Variants in MAN1A1 observed in about 807,000 individuals in gnomAD.
MAN1A1 encodes mannosidase alpha class 1A member 1.
MAN1A1 carries 29 observed loss-of-function variants against 70.8 expected under a neutral mutation model. The observed-to-expected ratio is 0.41, with a 90% CI of 0.31 to 0.56. The LOEUF (loss-of-function observed/expected upper bound fraction) is 0.56. MAN1A1 is among the 20% of genes least tolerant of loss of function. The pLI, the probability that MAN1A1 is intolerant of heterozygous loss-of-function variation, is 0.29. For missense variants in MAN1A1, 747 were observed against 841.3 expected (o/e 0.89, Z 1.39); for synonymous variants, 349 against 330.1 (o/e 1.06, Z -0.62).
Position 119,177,399 on chromosome 6 carries a change from G to A in MAN1A1, c.*2420C>T, listed in dbSNP as rs1238466281. 6.6e-6 allele frequency: 1 copy of A among 151,962 alleles called. No homozygotes were observed. Among genetic ancestry groups the A allele is most frequent in the Non-Finnish European group, 1.5e-5 (1 of 67,918 alleles). The allele number at this position is 151,962 out of a possible 1,614,324, so 9.4% of individuals were successfully genotyped here. ...AGCTCATATGAAAACCTCATGACAAGTCATTGAGTTCTGTAAACTGCCATA... is the reference window on the plus strand; with the variant it reads ...AGCTCATATGAAAACCTCATGACAAATCATTGAGTTCTGTAAACTGCCATA... On this transcript the variant is annotated 3_prime_UTR_variant, in exon 13 of 13. Transcript: ENST00000368468.
intron 4 of MAN1A1, among the ~76,000 whole-genome samples, chr6:119,293,939 C>T (rs1772123620): frequency 6.6e-6 from 1 of 152,018 alleles, no homozygotes; most frequent in Admixed American, 6.6e-5. Flanking sequence ...CAATGAATTC[C>T]TCCATGATGT....
At chr6:119,343,734 G>A (rs1047794284) in intron 2 of MAN1A1, among the ~76,000 whole-genome samples, 3 of 152,054 alleles carry the variant, frequency 2.0e-5, no homozygotes, top group Non-Finnish European at 2.9e-5. Context: ...TTTGCCACTC[G>A]TTTCACAGTA....
chr6:119,310,369 T>C (rs1337676364), intron 2 of MAN1A1, among the ~76,000 whole-genome samples: 2 of 152,226 alleles, frequency 1.3e-5, no homozygotes, highest in Non-Finnish European at 2.9e-5. Context: ...TGGGCTTTCA[T>C]TGCCCTATTT....
chr6:119,263,099 T>C (rs1290141569), intron 5 of MAN1A1, among the ~76,000 whole-genome samples: 1 of 152,172 alleles, frequency 6.6e-6, no homozygotes, highest in Non-Finnish European at 1.5e-5. Context: ...GTTCTTCAGT[T>C]TGGGGACTTG....
At position 119,193,820 on chromosome 6, in the gene MAN1A1, T is replaced by C. The variant is rs747037337; in HGVS notation, c.1283A>G (p.Lys428Arg). The change falls in exon 9 of 13, where the codon AAG becomes AGG. Residue 428 changes from lysine to arginine, a missense_variant. Lys to Arg is a conservative substitution (Grantham distance 26). Transcript: ENST00000368468. ...CATCTTCTTAGCTTCCAGATCTGTC[T>C]TGTCAGACATTAACCAGGCCTTCAG... ...YLLKAWLMSD[K>R]TDLEAKKMYF... The C allele has an allele frequency of 5.0e-6, 8 of 1,613,838 alleles. No homozygotes were observed. Among genetic ancestry groups the C allele is most frequent in the Non-Finnish European group, 6.8e-6 (8 of 1,179,842 alleles).
rs759855750 is a variant in MAN1A1 at position 119,178,145 on chromosome 6, G to C, written c.*1674C>G. 4 of 152,048 alleles carry C rather than the reference G, an allele frequency of 2.6e-5. No individual in the cohort carries two copies. Among genetic ancestry groups the C allele is most frequent in the Non-Finnish European group, 5.9e-5 (4 of 67,954 alleles). The allele number at this position is 152,048 out of a possible 1,614,324, so 9.4% of individuals were successfully genotyped here. ...TATTCTTTGACATACACCAATGTAT[G>C]ATATTGAAAAACAGAAAGCAGGTCA... On this transcript the variant is annotated 3_prime_UTR_variant, in exon 13 of 13. Coordinates refer to ENST00000368468, the MANE Select transcript of MAN1A1 (RefSeq NM_005907.4).
At chr6:119,276,701 A>T (rs1776075900) in intron 5 of MAN1A1, among the ~76,000 whole-genome samples, 1 of 152,246 alleles carries the variant, frequency 6.6e-6, no homozygotes, top group Non-Finnish European at 1.5e-5. Context: ...ACTATTTAAT[A>T]ATCATAATAT....
chr6:119,306,881 A>G lies in MAN1A1; in HGVS notation c.700+15T>C, dbSNP rs771145401. On this transcript the variant is annotated intron_variant, in intron 3 of 12. Coordinates refer to ENST00000368468, the MANE Select transcript of MAN1A1 (RefSeq NM_005907.4). ...GAAGTTATCGTCACTAAGAAACCAA[A>G]GCACATCTACTCACCAAACAAACTG... 6.5e-7 allele frequency: 1 copy of G among 1,529,212 alleles called. No individual in the cohort carries two copies. The highest frequency in any genetic ancestry group is 9.1e-7 in the Non-Finnish European group (1 of 1,103,668). The allele number at this position is 1,529,212 out of a possible 1,614,324, so 94.7% of individuals were successfully genotyped here. A position where few individuals can be genotyped will look rare whatever the true frequency, so the allele number is the denominator to read the frequency against.
Position 119,232,326 on chromosome 6 carries a change from T to A in MAN1A1, c.992+15934A>T, listed in dbSNP as rs557156129. Among the ~76,000 whole-genome samples the A allele has an allele frequency of 7.0e-5, 10 of 142,632 alleles. No individual in the cohort carries two copies. The South Asian group carries it at 1.8e-3, about 26-fold the overall frequency. 93.6% of individuals were successfully genotyped at this position (142,632 alleles called of 152,430 possible). A position where few individuals can be genotyped will look rare whatever the true frequency, so the allele number is the denominator to read the frequency against. ...AGGTGTAGCTTGCAGTGAGCCAAGA[T>A]TACACCACTGCACTCCAGCCTGGAC... is the stretch of plus-strand genomic sequence containing the variant. On this transcript the variant is annotated intron_variant, in intron 6 of 12. Coordinates refer to ENST00000368468, the MANE Select transcript of MAN1A1 (RefSeq NM_005907.4).
At chr6:119,180,154 C>G (rs933227365) in intron 12 of MAN1A1, among the ~76,000 whole-genome samples, 158 bp downstream of exon 12, 1 of 152,198 alleles carries the variant, frequency 6.6e-6, no homozygotes, top group African/African-American at 2.4e-5. Context: ...TACCAAGTCA[C>G]TGAACCTAGT....
In MAN1A1 at chr6:119,254,131, A is replaced by G. The variant is rs192168300; in HGVS notation, c.898-5777T>C. The stretch of plus-strand genomic sequence containing the variant: ...AAATTGTTGAGAGAATGAAGGAGGC[A>G]TATCACAAATCATTCTAAAGGGCAA... On this transcript the variant is annotated intron_variant, in intron 5 of 12. Coordinates refer to ENST00000368468, the MANE Select transcript of MAN1A1 (RefSeq NM_005907.4). 3.0e-4 allele frequency among the ~76,000 whole-genome samples: 46 copies of G among 152,360 alleles called. 2 individuals carry two copies. In the South Asian group the frequency reaches 4.4e-3, roughly 14 times the overall value.
intron 2 of MAN1A1, among the ~76,000 whole-genome samples, chr6:119,321,973 A>T (rs987709753): frequency 5.3e-5 from 8 of 152,138 alleles, no homozygotes; most frequent in Non-Finnish European, 1.2e-4. Flanking sequence ...GCAGCCCTCC[A>T]TAACAGTGGC....
chr6:119,319,800 A>G (rs1421200689), intron 2 of MAN1A1, among the ~76,000 whole-genome samples: 3 of 152,196 alleles, frequency 2.0e-5, no homozygotes, highest in Non-Finnish European at 4.4e-5. Context: ...CTTCACAGCT[A>G]GAAGTGGCTA....
At chr6:119,283,890 C>T (rs1776285771) in intron 5 of MAN1A1, among the ~76,000 whole-genome samples, 1 of 152,056 alleles carries the variant, frequency 6.6e-6, no homozygotes, top group Admixed American at 6.6e-5. Flanking sequence ...TGACAACTTT[C>T]CTTAGTGCCA....
intron 2 of MAN1A1, among the ~76,000 whole-genome samples, chr6:119,319,846 G>C (rs1250494515): frequency 6.6e-6 from 1 of 152,138 alleles, no homozygotes; most frequent in South Asian, 2.1e-4. Context: ...CTTTTGTCAA[G>C]GTCAATGGGT....
At chr6:119,223,942 C>T (rs943262264) in intron 6 of MAN1A1, among the ~76,000 whole-genome samples, 1 of 152,098 alleles carries the variant, frequency 6.6e-6, no homozygotes, top group African/African-American at 2.4e-5. Context: ...CATTGAAAGA[C>T]ACCAACAGCA....
intron 6 of MAN1A1, among the ~76,000 whole-genome samples, chr6:119,208,350 TAATA>T (rs1773943496): frequency 6.6e-6 from 1 of 152,190 alleles, no homozygotes; most frequent in Admixed American, 6.5e-5. Context: ...TCTATAAAGG[TAATA>T]AATATTTAAA....
chr6:119,328,551 GA>G (rs1773220002), intron 2 of MAN1A1, among the ~76,000 whole-genome samples: 1 of 152,144 alleles, frequency 6.6e-6, no homozygotes, highest in Non-Finnish European at 1.5e-5. Flanking sequence ...TAAAAACAGA[GA>G]AAAATAATTT....
In MAN1A1 at chr6:119,344,872, GGAATAAAATACTA is replaced by G. The variant is rs138333506; in HGVS notation, c.603+3578_603+3590del. The stretch of plus-strand genomic sequence containing the variant: ...AATTCATGATTACACAAATAGGTCT[GGAATAAAATACTA>G]AAGTCTTGTTTTAGAACTGAGAGAA... On this transcript the variant is annotated intron_variant, in intron 2 of 12. Coordinates refer to ENST00000368468, the MANE Select transcript of MAN1A1 (RefSeq NM_005907.4). Among the ~76,000 whole-genome samples, 109 of 152,264 alleles carry G rather than the reference GGAATAAAATACTA, an allele frequency of 7.2e-4. 1 individual carries two copies. Among genetic ancestry groups the G allele is most frequent in the African/African-American group, 2.6e-3 (107 of 41,558 alleles).
Sources: gnomAD v4.1 joint callset for allele counts (sites outside exome capture counted in the v4.1 genomes callset) on GRCh38, gnomAD v4.1.1 for gene constraint, MANE v1.5 for transcripts, NCBI Gene and HGNC (gene_info 2026-07-23, HGNC 2026-07-21) for gene names.